Variants in PALM2AKAP2 observed in about 807,000 individuals in gnomAD.
PALM2AKAP2 encodes PALM2 and AKAP2 fusion, also known as PALM2-AKAP2 fusion protein.
Under a neutral mutation model 71.5 loss-of-function variants are expected in PALM2AKAP2, and 37 were observed. The observed-to-expected ratio is 0.52, with a 90% CI of 0.40 to 0.68. PALM2AKAP2 has a LOEUF of 0.68. Among genes scored for constraint, PALM2AKAP2 ranks in the 30% least tolerant of loss-of-function variants. The pLI is 0.00. For missense variants in PALM2AKAP2, 1,224 were observed against 1,191.8 expected, an observed-to-expected ratio of 1.03 and a Z score of -0.40; for synonymous variants, 468 against 478.8, an observed-to-expected ratio of 0.98 and a Z score of 0.29.
intron 1 of PALM2AKAP2, among the ~76,000 whole-genome samples, chr9:109,701,840 A>G (rs1273028629): frequency 2.6e-5 from 4 of 152,294 alleles, no homozygotes; most frequent in South Asian, 2.1e-4. Context: ...TTTGCAATCT[A>G]CTCATCTGAC....
chr9:109,715,328 G>A (rs183906026), intron 1 of PALM2AKAP2, among the ~76,000 whole-genome samples: 13 of 152,296 alleles, frequency 8.5e-5, no homozygotes, highest in East Asian at 1.9e-4. Context: ...AGGCCAGTCC[G>A]TGGCACCTGG....
At chr9:109,647,005 C>T (rs1827165072) in intron 1 of PALM2AKAP2, among the ~76,000 whole-genome samples, 2 of 152,184 alleles carry the variant, frequency 1.3e-5, no homozygotes, top group Non-Finnish European at 2.9e-5. Context: ...TAAATATCCC[C>T]ATTTTCCATT....
intron 1 of PALM2AKAP2, among the ~76,000 whole-genome samples, chr9:109,848,452 A>G (rs1171793547): frequency 2.0e-5 from 3 of 152,060 alleles, no homozygotes; most frequent in Admixed American, 6.5e-5. Context: ...CCTGTGACTT[A>G]TCTTTGTGCC....
chr9:109,856,700 C>T (rs1354342705), intron 1 of PALM2AKAP2, among the ~76,000 whole-genome samples: 2 of 152,160 alleles, frequency 1.3e-5, no homozygotes, highest in Non-Finnish European at 2.9e-5. Flanking sequence ...AGATTATAGA[C>T]AATTGGTGTT....
intron 1 of PALM2AKAP2, among the ~76,000 whole-genome samples, chr9:110,078,716 A>G (rs1197802249): frequency 6.6e-6 from 1 of 152,244 alleles, no homozygotes; most frequent in Non-Finnish European, 1.5e-5. Flanking sequence ...GCACTCTTGT[A>G]CTACTGTTGA....
Position 109,985,003 on chromosome 9 carries a change from C to T in PALM2AKAP2, c.497-30951C>T, listed in dbSNP as rs184932586. Among the ~76,000 whole-genome samples, 18 of 152,150 alleles carry T rather than the reference C, an allele frequency of 1.2e-4. No homozygotes were observed. The East Asian group carries it at 1.9e-3, about 16-fold the overall frequency. On this transcript the variant is annotated intron_variant, in intron 6 of 9. Transcript: ENST00000302798. ...CAGCCTGGCCAACATGGTGAAACCC[C>T]GTCTCTACTAAAAAATACAAAAATT...
intron 1 of PALM2AKAP2, among the ~76,000 whole-genome samples, chr9:109,669,619 T>A (rs1358914): frequency 6.6e-6 from 1 of 151,984 alleles, no homozygotes; most frequent in East Asian, 1.9e-4. Context: ...TTCAATTTAT[T>A]TAATAGATAT....
chr9:110,072,584 G>A (rs1412759911), intron 1 of PALM2AKAP2, among the ~76,000 whole-genome samples: 1 of 152,224 alleles, frequency 6.6e-6, no homozygotes, highest in African/African-American at 2.4e-5. Flanking sequence ...GAAGCCATTG[G>A]TTTGAGTGAG....
intron 1 of PALM2AKAP2, among the ~76,000 whole-genome samples, chr9:109,729,642 C>T (rs1033225458): frequency 3.3e-5 from 5 of 152,188 alleles, no homozygotes; most frequent in Non-Finnish European, 5.9e-5. Flanking sequence ...TGCGGTATGA[C>T]AGACTGCAGC....
chr9:109,861,795 G>A (rs143920430), intron 1 of PALM2AKAP2, among the ~76,000 whole-genome samples: 408 of 152,208 alleles, frequency 2.7e-3, no homozygotes, highest in African/African-American at 9.4e-3. Flanking sequence ...AATGTCTTTA[G>A]CATTAGGACA....
intron 6 of PALM2AKAP2, among the ~76,000 whole-genome samples, chr9:109,934,718 A>G (rs141700146): frequency 1.3e-5 from 2 of 152,278 alleles, no homozygotes; most frequent in Non-Finnish European, 2.9e-5. Flanking sequence ...CCTCAAAGTC[A>G]TTTCATGTGT....
At chr9:109,769,934 C>T (rs1263573658) in intron 1 of PALM2AKAP2, among the ~76,000 whole-genome samples, 1 of 152,126 alleles carries the variant, frequency 6.6e-6, no homozygotes, top group East Asian at 1.9e-4. Flanking sequence ...GGCTGTTCTC[C>T]CTAGAAGAAC....
chr9:109,987,964 G>A (rs1158431670), intron 6 of PALM2AKAP2, among the ~76,000 whole-genome samples: 2 of 152,108 alleles, frequency 1.3e-5, no homozygotes, highest in African/African-American at 4.8e-5. Flanking sequence ...ACATTTCTTT[G>A]GCCAGTCCCT....
chr9:109,663,748 C>A (rs984671584), intron 1 of PALM2AKAP2, among the ~76,000 whole-genome samples: 1 of 152,096 alleles, frequency 6.6e-6, no homozygotes, highest in Admixed American at 6.5e-5. Context: ...TCCTTGTTAA[C>A]CTTCCATCTC....
intron 1 of PALM2AKAP2, among the ~76,000 whole-genome samples, chr9:110,084,116 G>C (rs988717521): frequency 6.6e-6 from 1 of 152,158 alleles, no homozygotes; most frequent in Admixed American, 6.5e-5. Context: ...CATGAGAAGA[G>C]ATTTAGAGAT....
intron 5 of PALM2AKAP2, 74 bp downstream of exon 5, chr9:109,925,156 C>A: frequency 6.3e-7 from 1 of 1,598,976 alleles, no homozygotes. Flanking sequence ...TTAACAGGGG[C>A]TTAAGGAAGA....
chr9:109,951,054 G>A (rs913986634), intron 6 of PALM2AKAP2, among the ~76,000 whole-genome samples: 1 of 152,216 alleles, frequency 6.6e-6, no homozygotes, highest in Non-Finnish European at 1.5e-5. Context: ...TCTTTGCAGG[G>A]TTCTGGAACA....
intron 2 of PALM2AKAP2, among the ~76,000 whole-genome samples, chr9:110,141,309 C>G (rs1344343103): frequency 6.6e-6 from 1 of 152,016 alleles, no homozygotes; most frequent in Non-Finnish European, 1.5e-5. Flanking sequence ...TTTCTGGTCC[C>G]TACAAGGGGA....
At position 109,701,196 on chromosome 9, in the gene PALM2AKAP2, C is replaced by A. The variant is rs866035349; in HGVS notation, c.5+60330C>A. Among the ~76,000 whole-genome samples the A allele has an allele frequency of 4.6e-5, 7 of 152,258 alleles. 1 individual carries two copies. In the South Asian group the frequency reaches 1.2e-3, roughly 27 times the overall value. On this transcript the variant is annotated intron_variant, in intron 1 of 6. Transcript: ENST00000374531. ...AGGTAATTTATAGATTCAATGCCAT[C>A]CCCATCAAACTACCAATGACTTTCT...
Sources: gnomAD v4.1 joint callset for allele counts (sites outside exome capture counted in the v4.1 genomes callset) on GRCh38, gnomAD v4.1.1 for gene constraint, MANE v1.5 for transcripts, NCBI Gene and HGNC (gene_info 2026-07-23, HGNC 2026-07-21) for gene names.